Variants in RIMS1 observed in about 807,000 individuals in gnomAD.
RIMS1 encodes the protein regulating synaptic membrane exocytosis protein 1.
RIMS1 carries 83 observed loss-of-function variants against 214.1 expected under a neutral mutation model. The observed-to-expected ratio is 0.39, with a 90% confidence interval of 0.32 to 0.47. The LOEUF (loss-of-function observed/expected upper bound fraction) is 0.47. Among genes scored for constraint, RIMS1 ranks in the 20% least tolerant of loss-of-function variants. The pLI, the probability that RIMS1 is intolerant of heterozygous loss-of-function variation, is 0.99. For missense variants in RIMS1, 2,050 were observed against 2,161.8 expected (o/e 0.95, Z 1.03); for synonymous variants, 793 against 786.8 (o/e 1.01, Z -0.13).
intron 2 of RIMS1, among the ~76,000 whole-genome samples, chr6:72,017,983 C>T (rs1813319103): frequency 6.6e-6 from 1 of 152,108 alleles, no homozygotes; most frequent in South Asian, 2.1e-4. Context: ...CTTTATTAGC[C>T]AATGGAGGCA....
intron 4 of RIMS1, among the ~76,000 whole-genome samples, chr6:72,116,604 A>T (rs1194942034): frequency 6.6e-6 from 1 of 151,986 alleles, no homozygotes; most frequent in Non-Finnish European, 1.5e-5. Context: ...TCTGTAAAGG[A>T]TGAGAGAGTA....
intron 2 of RIMS1, among the ~76,000 whole-genome samples, chr6:71,999,072 C>A (rs1804334436): frequency 6.6e-6 from 1 of 151,948 alleles, no homozygotes; most frequent in South Asian, 2.1e-4. Flanking sequence ...AATATGATCC[C>A]TTTTACAATA....
chr6:72,258,122 C>T lies in RIMS1; in HGVS notation c.2771-3C>T, dbSNP rs778909524. ...AAATTTTTTCTGTGTGTACTTTTGC[C>T]AGTAGGCTATAGGTCTAGTGCTAGA... On this transcript the variant is annotated splice_polypyrimidine_tract_variant and splice_region_variant and intron_variant, in intron 16 of 33. Transcript: ENST00000521978. 4.3e-6 allele frequency: 7 copies of T among 1,610,902 alleles called. No homozygotes were observed. In the South Asian group the frequency reaches 7.7e-5, roughly 18 times the overall value.
At chr6:72,220,287 G>A (rs2057951357) in intron 6 of RIMS1, among the ~76,000 whole-genome samples, 1 of 152,064 alleles carries the variant, frequency 6.6e-6, no homozygotes, top group Non-Finnish European at 1.5e-5. Flanking sequence ...TTCTTAACTT[G>A]GAGAGAGATC....
chr6:72,260,017 A>G (rs1211374727), intron 18 of RIMS1, among the ~76,000 whole-genome samples: 2 of 152,134 alleles, frequency 1.3e-5, no homozygotes, highest in African/African-American at 2.4e-5. Flanking sequence ...GAGTCACAAT[A>G]GGTACTAGGA....
At chr6:72,387,313 A>C (rs1386634403) in intron 29 of RIMS1, among the ~76,000 whole-genome samples, 1 of 152,202 alleles carries the variant, frequency 6.6e-6, no homozygotes, top group African/African-American at 2.4e-5. Context: ...TTCTCTAGCC[A>C]TGATCCTCGT....
At chr6:72,081,761 A>G (rs575831936) in intron 2 of RIMS1, among the ~76,000 whole-genome samples, 2 of 152,308 alleles carry the variant, frequency 1.3e-5, no homozygotes, top group African/African-American at 4.8e-5. Context: ...TTTATATTCT[A>G]CATTAGCAGT....
At chr6:72,337,222 G>A (rs569006217) in intron 29 of RIMS1, among the ~76,000 whole-genome samples, 1 of 151,736 alleles carries the variant, frequency 6.6e-6, no homozygotes, top group South Asian at 2.1e-4. Flanking sequence ...AATCTCTGTT[G>A]ATTTTAGTGG....
At position 72,403,035 on chromosome 6, in the gene RIMS1, T is replaced by A. The variant is rs1297427725; in HGVS notation, c.*2321T>A. 6.6e-6 allele frequency: 1 copy of A among 152,328 alleles called. No individual in the cohort carries two copies. The highest frequency in any genetic ancestry group is 1.5e-5 in the Non-Finnish European group (1 of 68,040). The allele number at this position is 152,328 out of a possible 1,614,324, so 9.4% of individuals were successfully genotyped here. On this transcript the variant is annotated 3_prime_UTR_variant, in exon 34 of 34. Coordinates refer to ENST00000521978, the MANE Select transcript of RIMS1 (RefSeq NM_014989.7). ...GCCTGTCTAAGTGAGCACATGACTA[T>A]ACTTCTGAAAAGTGGCATTATTAAA...
intron 2 of RIMS1, among the ~76,000 whole-genome samples, chr6:71,974,434 T>C (rs1341846926): frequency 1.3e-5 from 2 of 152,198 alleles, no homozygotes; most frequent in African/African-American, 4.8e-5. Flanking sequence ...TGGTTTTACT[T>C]TTAATACTGC....
intron 4 of RIMS1, among the ~76,000 whole-genome samples, chr6:72,130,435 AATTGTGTAT>A (rs2040259668): frequency 6.6e-6 from 1 of 152,104 alleles, no homozygotes; most frequent in Admixed American, 6.6e-5. Flanking sequence ...ATTAAGCGTA[AATTGTGTAT>A]ATTCTGCTTC....
At chr6:72,348,510 T>TAA (rs1279948577) in intron 29 of RIMS1, among the ~76,000 whole-genome samples, 1 of 151,974 alleles carries the variant, frequency 6.6e-6, no homozygotes, top group Non-Finnish European at 1.5e-5. Context: ...TTTAACCAGT[T>TAA]AATTCTACCT....
intron 29 of RIMS1, among the ~76,000 whole-genome samples, chr6:72,362,021 G>A (rs1282312154): frequency 6.8e-6 from 1 of 148,002 alleles, no homozygotes; most frequent in Non-Finnish European, 1.5e-5. Flanking sequence ...GTATTGTATT[G>A]TAATTTTTTC....
chr6:71,965,953 G>C (rs746343165), intron 1 of RIMS1, among the ~76,000 whole-genome samples: 1 of 151,922 alleles, frequency 6.6e-6, no homozygotes, highest in Non-Finnish European at 1.5e-5. Flanking sequence ...AAGTATTAGG[G>C]GTTTATATTA....
intron 2 of RIMS1, among the ~76,000 whole-genome samples, chr6:72,019,145 A>G (rs1813748002): frequency 2.6e-5 from 4 of 152,174 alleles, no homozygotes; most frequent in African/African-American, 9.6e-5. Context: ...TATTTGAGGT[A>G]TGATAACTCC....
intron 2 of RIMS1, among the ~76,000 whole-genome samples, chr6:72,020,668 A>G (rs1814356678): frequency 6.6e-6 from 1 of 152,188 alleles, no homozygotes; most frequent in South Asian, 2.1e-4. Context: ...ATGTTGGACT[A>G]TTCTTCCCAT....
At chr6:72,043,690 T>TC (rs1822129630) in intron 2 of RIMS1, among the ~76,000 whole-genome samples, 1 of 151,492 alleles carries the variant, frequency 6.6e-6, no homozygotes, top group Non-Finnish European at 1.5e-5. Flanking sequence ...TAGACTTTTT[T>TC]CCCCCTTTTC....
At chr6:72,188,924 C>T (rs774781856) in intron 6 of RIMS1, among the ~76,000 whole-genome samples, 1 of 152,206 alleles carries the variant, frequency 6.6e-6, no homozygotes, top group African/African-American at 2.4e-5. Flanking sequence ...CCCTTCTTGG[C>T]CTGTTGACTT....
intron 6 of RIMS1, among the ~76,000 whole-genome samples, chr6:72,225,569 G>C (rs1229703202): frequency 1.3e-5 from 2 of 152,100 alleles, no homozygotes; most frequent in Non-Finnish European, 2.9e-5. Context: ...AACTTGCCCA[G>C]CACAACAATT....
Sources: gnomAD v4.1 joint callset for allele counts (sites outside exome capture counted in the v4.1 genomes callset) on GRCh38, gnomAD v4.1.1 for gene constraint, MANE v1.5 for transcripts, NCBI Gene and HGNC (gene_info 2026-07-23, HGNC 2026-07-21) for gene names.